The following CORO2B variants were observed in gnomAD, a reference collection of about 807,000 sequenced individuals.
CORO2B encodes coronin-2B.
CORO2B carries 26 observed loss-of-function variants against 58.8 expected under a neutral mutation model. That is an observed-to-expected ratio of 0.44 (90% CI 0.32 to 0.61). The LOEUF (loss-of-function observed/expected upper bound fraction) is 0.61. Ranked by LOEUF, CORO2B falls within the 20% of genes least tolerant of loss-of-function variation. CORO2B has a pLI of 0.04. For missense variants in CORO2B, 460 were observed against 645.1 expected (o/e 0.71, Z 3.11); for synonymous variants, 242 against 253.8 (o/e 0.95, Z 0.44).
intron 2 of CORO2B, among the ~76,000 whole-genome samples, chr15:68,674,089 G>A (rs1459957475): frequency 6.6e-6 from 1 of 152,172 alleles, no homozygotes; most frequent in African/African-American, 2.4e-5. Context: ...CGGGAGAGAG[G>A]CTGCGTGTGT....
chr15:68,588,341 T>C (rs1595953991), intron 1 of CORO2B, among the ~76,000 whole-genome samples: 1 of 152,242 alleles, frequency 6.6e-6, no homozygotes, highest in Non-Finnish European at 1.5e-5. Flanking sequence ...AGATGAAAAG[T>C]TGCTTTTCTC....
intron 1 of CORO2B, chr15:68,632,144 G>A (rs1900854934): frequency 1.0e-6 from 1 of 985,472 alleles, no homozygotes; most frequent in Admixed American, 6.1e-5. Context: ...GGGTCTCTGG[G>A]ATGGTGATGT....
At chr15:68,649,349 C>G (rs1901560742) in intron 2 of CORO2B, among the ~76,000 whole-genome samples, 1 of 152,120 alleles carries the variant, frequency 6.6e-6, no homozygotes, top group African/African-American at 2.4e-5. Flanking sequence ...TGTTTTCTCT[C>G]ATTTCAAGAA....
the CORO2B span, among the ~76,000 whole-genome samples, chr15:68,523,507 A>C: frequency 6.6e-6 from 1 of 152,146 alleles, no homozygotes; most frequent in Middle Eastern, 3.4e-3. Flanking sequence ...CTAAATTCCA[A>C]TTTTTGTCTC....
chr15:68,531,461 C>T, the CORO2B span, among the ~76,000 whole-genome samples: 3 of 150,802 alleles, frequency 2.0e-5, no homozygotes, highest in Admixed American at 6.6e-5. Flanking sequence ...CATGCCGCTG[C>T]ACTCCAGCCT....
At chr15:68,618,581 C>T (rs1315840595) in intron 1 of CORO2B, among the ~76,000 whole-genome samples, 1 of 152,262 alleles carries the variant, frequency 6.6e-6, no homozygotes, top group Non-Finnish European at 1.5e-5. Context: ...GAGCAGTGCT[C>T]TTCCTGGGTT....
Position 68,726,176 on chromosome 15 carries a change from AC to A in CORO2B, c.*207del, listed in dbSNP as rs932011136. On this transcript the variant is annotated 3_prime_UTR_variant, in exon 12 of 12. Transcript: ENST00000261861. ...TAATAAAAGTCCCCAGCTTCTGGAG[AC>A]CCCCTGCCGGCAGCCCCTTTCCCTG... is the stretch of plus-strand genomic sequence containing the variant. 1.6e-4 allele frequency: 101 copies of A among 614,192 alleles called. No homozygotes were observed. In the African/African-American group the frequency reaches 1.8e-3, roughly 11 times the overall value. The allele number at this position is 614,192 out of a possible 1,614,324, so 38.0% of individuals were successfully genotyped here. A position where few individuals can be genotyped will look rare whatever the true frequency, so the allele number is the denominator to read the frequency against.
intron 8 of CORO2B, 145 bp from the exon 9 acceptor site, chr15:68,718,553 G>T: frequency 1.5e-6 from 1 of 674,272 alleles, no homozygotes; most frequent in Non-Finnish European, 2.6e-6. Flanking sequence ...AGGCGCCCCG[G>T]TCTACCCCCT....
chr15:68,636,473 C>A (rs892331904), intron 1 of CORO2B, among the ~76,000 whole-genome samples: 2 of 152,196 alleles, frequency 1.3e-5, no homozygotes, highest in African/African-American at 2.4e-5. Flanking sequence ...TGAGAAGGCG[C>A]CATCCCAGCC....
chr15:68,675,620 A>G (rs943132900), intron 2 of CORO2B, among the ~76,000 whole-genome samples: 1 of 152,216 alleles, frequency 6.6e-6, no homozygotes, highest in African/African-American at 2.4e-5. Flanking sequence ...ACTCCTCCAC[A>G]GAGGTAGTGA....
chr15:68,560,720 G>A, the CORO2B span, among the ~76,000 whole-genome samples: 60 of 152,154 alleles, frequency 3.9e-4, no homozygotes, highest in Admixed American at 9.2e-4. Flanking sequence ...GGTCAGGGCC[G>A]CTCTCCAGCT....
intron 2 of CORO2B, among the ~76,000 whole-genome samples, chr15:68,685,544 A>G (rs572961618): frequency 7.9e-5 from 12 of 152,248 alleles, no homozygotes; most frequent in Admixed American, 5.9e-4. Context: ...CCTCCCCAAC[A>G]TGAGACAAGA....
intron 2 of CORO2B, among the ~76,000 whole-genome samples, chr15:68,686,024 T>G (rs1902960768): frequency 1.4e-5 from 2 of 146,776 alleles, no homozygotes; most frequent in African/African-American, 4.9e-5. Context: ...ACTTCTGTTT[T>G]TTTTTTTTTT....
rs1041644917 is a variant in CORO2B at position 68,594,243 on chromosome 15, C to T, written c.15+14966C>T. Among the ~76,000 whole-genome samples, 5 of 152,214 alleles carry T rather than the reference C, an allele frequency of 3.3e-5. No homozygotes were observed. The East Asian group carries it at 9.6e-4, about 29-fold the overall frequency. On this transcript the variant is annotated intron_variant, in intron 1 of 11. Coordinates refer to ENST00000261861, the MANE Select transcript of CORO2B (RefSeq NM_006091.5). ...CCTCTTCCCCATAGGTGGTGCCTGT[C>T]TGTGCAGGAACCTGGTGTCCCCTGC...
intron 2 of CORO2B, among the ~76,000 whole-genome samples, chr15:68,670,686 G>A (rs1902362327): frequency 6.6e-6 from 1 of 152,126 alleles, no homozygotes; most frequent in African/African-American, 2.4e-5. Flanking sequence ...GCAAATAAAT[G>A]CAAATATCTG....
rs1039821033 is a variant in CORO2B at position 68,711,842 on chromosome 15, T to C, written c.648+136T>C. 3.9e-6 allele frequency: 4 copies of C among 1,034,636 alleles called. No individual in the cohort carries two copies. In the Admixed American group the frequency reaches 1.0e-4, roughly 27 times the overall value. 64.1% of individuals were successfully genotyped at this position (1,034,636 alleles called of 1,614,324 possible). On this transcript the variant is annotated intron_variant, in intron 5 of 11. Coordinates refer to ENST00000261861, the MANE Select transcript of CORO2B (RefSeq NM_006091.5). Reference sequence around the variant, plus strand: ...TCACTGCACCTCTGTTGAACAACCTTTCTCTCTCCTGGGCCCTTCTCAGCT... The same window carrying C: ...TCACTGCACCTCTGTTGAACAACCTCTCTCTCTCCTGGGCCCTTCTCAGCT...
At chr15:68,676,092 G>C (rs894468406) in intron 2 of CORO2B, among the ~76,000 whole-genome samples, 1 of 152,212 alleles carries the variant, frequency 6.6e-6, no homozygotes, top group African/African-American at 2.4e-5. Context: ...GAATCTGATA[G>C]GCTCAGCTTG....
chr15:68,580,425 T>A (rs1305447266), intron 1 of CORO2B, among the ~76,000 whole-genome samples: 1 of 151,694 alleles, frequency 6.6e-6, no homozygotes, highest in African/African-American at 2.4e-5. Flanking sequence ...GTGCAAGTGA[T>A]GGAGGTGGGG....
the CORO2B span, among the ~76,000 whole-genome samples, chr15:68,557,561 C>T: frequency 6.6e-6 from 1 of 152,228 alleles, no homozygotes; most frequent in Non-Finnish European, 1.5e-5. Flanking sequence ...GGATGGAAAC[C>T]TAAGTATGCC....
Sources: allele counts gnomAD v4.1 joint callset (sites outside exome capture counted in the v4.1 genomes callset), GRCh38; gene constraint gnomAD v4.1.1; transcripts MANE v1.5; gene names NCBI Gene and HGNC (gene_info 2026-07-23, HGNC 2026-07-21).